The following SLC8A2 variants were observed in gnomAD, a reference collection of about 807,000 sequenced individuals.
The protein encoded by SLC8A2 is solute carrier family 8 member A2.
SLC8A2 carries 14 observed loss-of-function variants against 70.2 expected under a neutral mutation model. That is an observed-to-expected ratio of 0.20 (90% CI 0.13 to 0.31). SLC8A2 has a LOEUF of 0.31. SLC8A2 is among the 10% of genes least tolerant of loss of function. SLC8A2 has a pLI of 1.00. For synonymous variants in SLC8A2, 575 were observed against 594.3 expected (o/e 0.97, Z 0.47); for missense variants, 779 against 1,320.1 (o/e 0.59, Z 6.35).
At chr19:47,456,467 C>T (rs1377070377) in intron 3 of SLC8A2, among the ~76,000 whole-genome samples, 1 of 152,200 alleles carries the variant, frequency 6.6e-6, no homozygotes, top group Non-Finnish European at 1.5e-5. Context: ...AGTTCAAGAC[C>T]AGCCTGGCCA....
At chr19:47,462,394 A>AAG (rs1967406684) in intron 2 of SLC8A2, among the ~76,000 whole-genome samples, 2 of 151,692 alleles carry the variant, frequency 1.3e-5, no homozygotes, top group Middle Eastern at 3.2e-3. Context: ...GCTCCCGAGT[A>AAG]CCTGGGATTA....
At position 47,442,031 on chromosome 19, in the gene SLC8A2, G is replaced by A. The variant is rs539543349; in HGVS notation, c.1764-591C>T. Among the ~76,000 whole-genome samples the A allele has an allele frequency of 1.3e-3, 198 of 152,288 alleles. 1 individual carries two copies. Among genetic ancestry groups the A allele is most frequent in the African/African-American group, 4.6e-3 (193 of 41,552 alleles). The stretch of plus-strand genomic sequence containing the variant: ...GCAGGAGAATTGCTTGAACCTGGGA[G>A]GTGGAGGTTGCAGTGAGCTGAGATC... On this transcript the variant is annotated intron_variant, in intron 4 of 9. Coordinates refer to ENST00000236877, the MANE Select transcript of SLC8A2 (RefSeq NM_015063.3).
chr19:47,429,914 G>A lies in SLC8A2; in HGVS notation c.*175C>T. On this transcript the variant is annotated 3_prime_UTR_variant, in exon 10 of 10. Transcript: ENST00000236877. ...TCCCGAGAGGAAGAGGGAAGGCTGAGCTACTGGGGACACAGAACAGGGCAA... is the reference window on the plus strand; with the variant it reads ...TCCCGAGAGGAAGAGGGAAGGCTGAACTACTGGGGACACAGAACAGGGCAA... 1.6e-6 allele frequency: 1 copy of A among 615,404 alleles called. No homozygotes were observed. The highest frequency in any genetic ancestry group is 2.7e-6 in the Non-Finnish European group (1 of 370,110). The allele number at this position is 615,404 out of a possible 1,614,324, so 38.1% of individuals were successfully genotyped here.
At position 47,468,162 on chromosome 19, in the gene SLC8A2, C is replaced by T. The variant is rs1568448833; in HGVS notation, c.-16-1743G>A. ...AACCTGGCCCCGACTCCCTCTCTGG[C>T]CTCTTTTCCCACCCTCTCCCCCTTG... is the stretch of plus-strand genomic sequence containing the variant. On this transcript the variant is annotated intron_variant, in intron 1 of 9. Transcript: ENST00000236877. This position sits in a 1 kb window ranked among gnomAD's most constrained non-coding sequence, Gnocchi z 5.1. Among the ~76,000 whole-genome samples, 2 of 151,966 alleles carry T rather than the reference C, an allele frequency of 1.3e-5. No homozygotes were observed. The highest frequency in any genetic ancestry group is 2.4e-5 in the African/African-American group (1 of 41,370).
chr19:47,442,314 AT>A (rs1967109321), intron 4 of SLC8A2, among the ~76,000 whole-genome samples: 1 of 152,154 alleles, frequency 6.6e-6, no homozygotes, highest in Non-Finnish European at 1.5e-5. Flanking sequence ...AGCCAGAGTG[AT>A]CCTGATAGAA....
At chr19:47,464,916 T>C (rs1161651458) in intron 2 of SLC8A2, among the ~76,000 whole-genome samples, 2 of 152,212 alleles carry the variant, frequency 1.3e-5, no homozygotes, top group Middle Eastern at 3.2e-3. Flanking sequence ...GAAAGGCTAA[T>C]GATTATGAGA....
chr19:47,470,348 T>TACAC (rs71180846), intron 1 of SLC8A2, among the ~76,000 whole-genome samples: 15,679 of 139,282 alleles, frequency 0.11, 911 homozygotes, highest in Non-Finnish European at 0.13. Context: ...GGAGACATCA[T>TACAC]ACACACACAC....
intron 2 of SLC8A2, among the ~76,000 whole-genome samples, chr19:47,458,436 G>C (rs1386808410): frequency 2.0e-5 from 2 of 97,698 alleles, no homozygotes; most frequent in African/African-American, 4.2e-5. Flanking sequence ...CGAGTTCTCC[G>C]TTTCCCCCCA....
chr19:47,437,532 C>A lies in SLC8A2; in HGVS notation c.2040G>T (p.Thr680=). The A allele has an allele frequency of 3.1e-6, 5 of 1,613,930 alleles. No individual in the cohort carries two copies. Among genetic ancestry groups the A allele is most frequent in the Non-Finnish European group, 4.2e-6 (5 of 1,179,904 alleles). ...KNTVDKLIKK[T]NLALVIGTHS... The stretch of plus-strand genomic sequence containing the variant: ...GGGTCCCAATTACCAAGGCCAAGTT[C>A]GTTTTCTTGATGAGTTTATCCACCG... The change falls in exon 8 of 10, where the codon ACG becomes ACT. Residue 680 remains threonine (T), a synonymous_variant. Transcript: ENST00000236877.
intron 4 of SLC8A2, among the ~76,000 whole-genome samples, chr19:47,445,981 G>A (rs1967156519): frequency 6.6e-6 from 1 of 152,186 alleles, no homozygotes. Context: ...CTGAGTCAGA[G>A]AGCGAGGTGC....
chr19:47,462,048 C>T (rs1179170018), intron 2 of SLC8A2, among the ~76,000 whole-genome samples: 1 of 152,118 alleles, frequency 6.6e-6, no homozygotes, highest in African/African-American at 2.4e-5. Flanking sequence ...GGGACAGTCC[C>T]ACACAATACA....
rs563849366 is a variant in SLC8A2 at position 47,448,030 on chromosome 19, G to C, written c.1542C>G (p.Val514=). 7.5e-5 allele frequency: 118 copies of C among 1,567,292 alleles called. 3 individuals carry two copies. The South Asian group carries it at 1.3e-3, about 18-fold the overall frequency. Residue 514 remains valine, a synonymous_variant, in exon 4 of 10, where the codon GTC becomes GTG. Coordinates refer to ENST00000236877, the MANE Select transcript of SLC8A2 (RefSeq NM_015063.3). The surrounding 1 kb of genome is among the most constrained non-coding windows in gnomAD (Gnocchi z 4.8). Reference sequence around the variant, plus strand: ...CTGCGTGGTCGTCGTCCAGGATGGTGACGGTGGCCAGCAGCGGCGCCACCA... The same window carrying C: ...CTGCGTGGTCGTCGTCCAGGATGGTCACGGTGGCCAGCAGCGGCGCCACCA... ...GRLVAPLLAT[V]TILDDDHAGI... is the part of the protein sequence containing the mutation.
Position 47,433,653 on chromosome 19 carries a change from C to T in SLC8A2, c.2111-1208G>A, listed in dbSNP as rs552283122. ...TTGACCAGCTTTTGACCTGCAGTGACTTTTTTTTTTTTTTGAGACAGAGCC... is the reference window on the plus strand; with the variant it reads ...TTGACCAGCTTTTGACCTGCAGTGATTTTTTTTTTTTTTTGAGACAGAGCC... On this transcript the variant is annotated intron_variant, in intron 8 of 9. Coordinates refer to ENST00000236877, the MANE Select transcript of SLC8A2 (RefSeq NM_015063.3). 1.8e-3 allele frequency among the ~76,000 whole-genome samples: 260 copies of T among 144,526 alleles called. 1 individual carries two copies. Among genetic ancestry groups the T allele is most frequent in the Non-Finnish European group, 2.7e-3 (177 of 65,906 alleles). The allele number at this position is 144,526 out of a possible 152,430, so 94.8% of individuals were successfully genotyped here.
chr19:47,442,647 A>G (rs752059555), intron 4 of SLC8A2, among the ~76,000 whole-genome samples: 2 of 151,796 alleles, frequency 1.3e-5, no homozygotes, highest in Non-Finnish European at 2.9e-5. Context: ...CCCCTCCAGC[A>G]CTCCCTTATA....
rs1967487613 is a variant in SLC8A2, at chr19:47,468,142, G to A, written c.-16-1723C>T. 6.6e-6 allele frequency among the ~76,000 whole-genome samples: 1 copy of A among 151,184 alleles called. No homozygotes were observed. The highest frequency in any genetic ancestry group is 2.1e-4 in the South Asian group (1 of 4,774). On this transcript the variant is annotated intron_variant, in intron 1 of 9. Transcript: ENST00000236877. The surrounding 1 kb of genome is among the most constrained non-coding windows in gnomAD (Gnocchi z 5.1). Reference sequence around the variant, plus strand: ...GGGCCCGTGAGGTCCTGCCCAACCTGGCCCCGACTCCCTCTCTGGCCTCTT... The same window carrying A: ...GGGCCCGTGAGGTCCTGCCCAACCTAGCCCCGACTCCCTCTCTGGCCTCTT...
intron 6 of SLC8A2, 60 bp downstream of exon 6, chr19:47,441,108 TC>T (rs1430228315): frequency 1.3e-6 from 2 of 1,525,026 alleles, no homozygotes; most frequent in Non-Finnish European, 1.8e-6. Flanking sequence ...GCTGGGACCC[TC>T]CCCCAGGCCC....
intron 2 of SLC8A2, among the ~76,000 whole-genome samples, chr19:47,464,671 T>A (rs1284130336): frequency 2.0e-5 from 3 of 152,184 alleles, no homozygotes; most frequent in African/African-American, 7.2e-5. Context: ...AGATCCTTCC[T>A]GGGAAGAAAC....
At chr19:47,469,863 G>A (rs1264230702) in intron 1 of SLC8A2, among the ~76,000 whole-genome samples, 3 of 152,186 alleles carry the variant, frequency 2.0e-5, no homozygotes, top group East Asian at 3.9e-4. Flanking sequence ...CTTCGTGGGC[G>A]TGCGGCCAGC....
In SLC8A2 at chr19:47,468,733, G is replaced by A. The variant is rs1459352214; in HGVS notation, c.-16-2314C>T. On this transcript the variant is annotated intron_variant, in intron 1 of 9. Transcript: ENST00000236877. The surrounding 1 kb of genome is among the most constrained non-coding windows in gnomAD (Gnocchi z 5.1). ...CCATTCCACAGGTGAGAGGACCAAG[G>A]CGCAGAGAGGTTACGGAACTTGCCC... is the stretch of plus-strand genomic sequence containing the variant. Among the ~76,000 whole-genome samples the A allele has an allele frequency of 1.3e-5, 2 of 152,142 alleles. No individual in the cohort carries two copies. Among genetic ancestry groups the A allele is most frequent in the African/African-American group, 4.8e-5 (2 of 41,428 alleles).
Sources: gnomAD v4.1 joint callset for allele counts (sites outside exome capture counted in the v4.1 genomes callset) on GRCh38, gnomAD v4.1.1 for gene constraint, Gnocchi (gnomAD v3.1) non-coding constraint, MANE v1.5 for transcripts, NCBI Gene and HGNC (gene_info 2026-07-23, HGNC 2026-07-21) for gene names.